The following SLC25A21 variants were observed in gnomAD, a reference collection of about 807,000 sequenced individuals.
The protein encoded by SLC25A21 is solute carrier family 25 member 21.
SLC25A21 carries 47 observed loss-of-function variants against 43.8 expected under a neutral mutation model. The ratio of observed to expected loss-of-function variants is 1.07; its 90% CI spans 0.85 to 1.37. The LOEUF is 1.37. Among genes scored for constraint, SLC25A21 ranks in the 40% most tolerant of loss-of-function variants. The pLI is 0.00. For synonymous variants in SLC25A21, 131 were observed against 121.3 expected (o/e 1.08, Z -0.52); for missense variants, 352 against 350.2 (o/e 1.00, Z -0.04).
chr14:36,956,758 A>C (rs1959352254), intron 1 of SLC25A21, among the ~76,000 whole-genome samples: 1 of 152,208 alleles, frequency 6.6e-6, no homozygotes, highest in South Asian at 2.1e-4. Flanking sequence ...AAGGAAAAAA[A>C]ACAGAACTGA....
chr14:37,171,659 T>C (rs1964131573), intron 1 of SLC25A21, among the ~76,000 whole-genome samples: 1 of 152,208 alleles, frequency 6.6e-6, no homozygotes. Context: ...CTAAGATTAA[T>C]TACAACATTT....
intron 1 of SLC25A21, among the ~76,000 whole-genome samples, chr14:37,010,529 A>G (rs1256482365): frequency 1.3e-5 from 2 of 152,158 alleles, no homozygotes; most frequent in African/African-American, 2.4e-5. Flanking sequence ...CAGGCAGAAA[A>G]GGAGAAGGAC....
chr14:36,922,314 C>G (rs1892003386), intron 1 of SLC25A21, among the ~76,000 whole-genome samples: 2 of 151,864 alleles, frequency 1.3e-5, no homozygotes, highest in Admixed American at 1.3e-4. Flanking sequence ...AGCTGTTTTC[C>G]CTAAGTTATC....
intron 3 of SLC25A21, among the ~76,000 whole-genome samples, chr14:36,756,511 T>C (rs1885935167): frequency 6.6e-6 from 1 of 152,212 alleles, no homozygotes; most frequent in Non-Finnish European, 1.5e-5. Flanking sequence ...AGGGTCTCAC[T>C]CCAGCTGTGC....
chr14:36,896,185 G>A (rs1013554166), intron 1 of SLC25A21, among the ~76,000 whole-genome samples: 2 of 152,106 alleles, frequency 1.3e-5, no homozygotes, highest in Non-Finnish European at 2.9e-5. Context: ...AAGTCTCTTT[G>A]TAGGTCTCTA....
In SLC25A21 at chr14:37,117,850, CATA is replaced by C. The variant is rs565134337; in HGVS notation, c.70+54428_70+54430del. 1.3e-4 allele frequency among the ~76,000 whole-genome samples: 13 copies of C among 98,298 alleles called. No individual in the cohort carries two copies. The South Asian group carries it at 6.1e-3, about 46-fold the overall frequency. 64.5% of individuals were successfully genotyped at this position (98,298 alleles called of 152,430 possible). On this transcript the variant is annotated intron_variant, in intron 1 of 9. Transcript: ENST00000331299. ...TACTGGATACATAAAATTCACCAAA[CATA>C]GTTTTTTTTTGTTTGTTTTTTTTTT...
chr14:37,154,643 ATTT>A lies in SLC25A21; in HGVS notation c.70+17635_70+17637del, dbSNP rs35417690. Among the ~76,000 whole-genome samples, 89 of 144,612 alleles carry A rather than the reference ATTT, an allele frequency of 6.2e-4. 1 individual carries two copies. Among genetic ancestry groups the A allele is most frequent in the East Asian group, 1.2e-3 (6 of 4,886 alleles). 94.9% of individuals were successfully genotyped at this position (144,612 alleles called of 152,430 possible). A position where few individuals can be genotyped will look rare whatever the true frequency, so the allele number is the denominator to read the frequency against. ...GAGGGAAAATTTTACTAAAAGATAG[ATTT>A]TTTTTTTTTTTTTGAGATGGAGTTT... On this transcript the variant is annotated intron_variant, in intron 1 of 9. Transcript: ENST00000331299.
In SLC25A21 at chr14:36,678,205, C is replaced by T. The variant is rs1038878169; in HGVS notation, c.*2453G>A. The T allele has an allele frequency of 1.7e-5, 8 of 484,156 alleles. No homozygotes were observed. The highest frequency in any genetic ancestry group is 1.3e-4 in the African/African-American group (7 of 52,024). 30.0% of individuals were successfully genotyped at this position (484,156 alleles called of 1,614,324 possible). On this transcript the variant is annotated 3_prime_UTR_variant, in exon 10 of 10. Coordinates refer to ENST00000331299, the MANE Select transcript of SLC25A21 (RefSeq NM_030631.4). ...ATCGGTTTCGTGGCTTCGTTTAAAACTCAGATGGCTAGATTAGTTAGGTTT... is the reference window on the plus strand; with the variant it reads ...ATCGGTTTCGTGGCTTCGTTTAAAATTCAGATGGCTAGATTAGTTAGGTTT...
At chr14:37,112,535 C>T (rs772768096) in intron 1 of SLC25A21, among the ~76,000 whole-genome samples, 6 of 152,186 alleles carry the variant, frequency 3.9e-5, no homozygotes, top group Admixed American at 6.5e-5. Flanking sequence ...TTACTTTTAG[C>T]TGGACACATA....
intron 1 of SLC25A21, among the ~76,000 whole-genome samples, chr14:37,126,344 C>T (rs1963296890): frequency 6.6e-6 from 1 of 152,078 alleles, no homozygotes; most frequent in African/African-American, 2.4e-5. Context: ...TGGCCAATAT[C>T]AATGCCCTCA....
At position 36,680,602 on chromosome 14, in the gene SLC25A21, T is replaced by C. The variant is rs1436598610; in HGVS notation, c.*56A>G. On this transcript the variant is annotated 3_prime_UTR_variant, in exon 10 of 10. Transcript: ENST00000331299. ...GCCGATCGATAGTCTCTCTTCTTCA[T>C]GGTGCTGCATAGCAAATATCCATTA... 4.4e-6 allele frequency: 7 copies of C among 1,577,898 alleles called. No individual in the cohort carries two copies. Among genetic ancestry groups the C allele is most frequent in the East Asian group, 4.6e-5 (2 of 43,564 alleles).
chr14:37,131,600 T>C (rs947662029), intron 1 of SLC25A21, among the ~76,000 whole-genome samples: 7 of 152,354 alleles, frequency 4.6e-5, no homozygotes, highest in South Asian at 4.1e-4. Flanking sequence ...TCATACTAAA[T>C]TATAAGTGCT....
chr14:36,783,745 T>C (rs374651747), intron 3 of SLC25A21, among the ~76,000 whole-genome samples: 23 of 152,228 alleles, frequency 1.5e-4, no homozygotes, highest in African/African-American at 5.5e-4. Context: ...GAAGCTTCTC[T>C]ACTGAGAAAA....
At chr14:37,095,707 T>C (rs766800940) in intron 1 of SLC25A21, among the ~76,000 whole-genome samples, 48 of 151,918 alleles carry the variant, frequency 3.2e-4, no homozygotes, top group Non-Finnish European at 6.2e-4. Context: ...CTGGGCAACA[T>C]AGCAAGAACT....
chr14:36,989,757 A>AGAGACCCTCC (rs1210882141), intron 1 of SLC25A21, among the ~76,000 whole-genome samples: 1 of 152,120 alleles, frequency 6.6e-6, no homozygotes, highest in East Asian at 1.9e-4. Flanking sequence ...TAGTGATTCT[A>AGAGACCCTCC]GAGACCCTCC....
At chr14:37,078,806 A>C (rs1185415415) in intron 1 of SLC25A21, among the ~76,000 whole-genome samples, 1 of 151,612 alleles carries the variant, frequency 6.6e-6, no homozygotes, top group Non-Finnish European at 1.5e-5. Flanking sequence ...AGTTTTAGCT[A>C]AGGATAATTT....
rs60763979 is a variant in SLC25A21 at position 36,876,374 on chromosome 14, G to T, written c.71-1370C>A. On this transcript the variant is annotated intron_variant, in intron 1 of 9. Coordinates refer to ENST00000331299, the MANE Select transcript of SLC25A21 (RefSeq NM_030631.4). ...TATTGACCAAAACTGTCTTACTTTG[G>T]CTACAACTAATAAGATCCAATATGG... 6.6e-3 allele frequency among the ~76,000 whole-genome samples: 1,011 copies of T among 152,202 alleles called. 19 individuals are homozygous for T. Among genetic ancestry groups the T allele is most frequent in the African/African-American group, 0.023 (970 of 41,514 alleles).
rs545792313 is a variant in SLC25A21, at chr14:36,716,296, A to AG, written c.439-4815dup. 1.1e-3 allele frequency among the ~76,000 whole-genome samples: 171 copies of AG among 152,148 alleles called. 1 individual carries two copies. Among genetic ancestry groups the AG allele is most frequent in the Middle Eastern group, 3.4e-3 (1 of 294 alleles). On this transcript the variant is annotated intron_variant, in intron 6 of 9. Transcript: ENST00000331299. Reference sequence around the variant, plus strand: ...GGGAGATGCAGGTGGAAGGGTGCAAAGCGTCAGCAGGATGAACAAGCCTAG... The same window carrying AG: ...GGGAGATGCAGGTGGAAGGGTGCAAAGGCGTCAGCAGGATGAACAAGCCTAG...
chr14:36,837,566 G>C (rs1889251638), intron 2 of SLC25A21, among the ~76,000 whole-genome samples: 1 of 152,178 alleles, frequency 6.6e-6, no homozygotes, highest in African/African-American at 2.4e-5. Context: ...CCAGAGAACA[G>C]GCCCTGGAGT....
Sources: gnomAD v4.1 joint callset for allele counts (sites outside exome capture counted in the v4.1 genomes callset) on GRCh38, gnomAD v4.1.1 for gene constraint, MANE v1.5 for transcripts, NCBI Gene and HGNC (gene_info 2026-07-23, HGNC 2026-07-21) for gene names.